STAT5B: variants seen among roughly 807,000 people sequenced by gnomAD.
STAT5B encodes signal transducer and activator of transcription 5B, also known as transcription factor STAT5B.
STAT5B carries 21 observed loss-of-function variants against 107.8 expected under a neutral mutation model. That is an observed-to-expected ratio of 0.19 (90% confidence interval 0.14 to 0.28). STAT5B has a LOEUF of 0.28. Ranked by LOEUF, STAT5B falls within the 10% of genes least tolerant of loss-of-function variation. STAT5B has a pLI of 1.00. For missense variants in STAT5B, 565 were observed against 1,008.2 expected, an observed-to-expected ratio of 0.56 and a Z score of 5.95; for synonymous variants, 325 against 401.7, an observed-to-expected ratio of 0.81 and a Z score of 2.28.
upstream of STAT5B, among the ~76,000 whole-genome samples, chr17:42,278,372 G>A (rs1695905107): frequency 1.3e-5 from 2 of 152,180 alleles, no homozygotes; most frequent in African/African-American, 4.8e-5. Flanking sequence ...TATGCTCTAG[G>A]AATGCAAATG....
upstream of STAT5B, chr17:42,276,412 C>CCGCGGGGGCGCGCGCGCCGCTCACG (rs1257191096): frequency 2.0e-5 from 3 of 147,226 alleles, no homozygotes; most frequent in Non-Finnish European, 4.5e-5. This position sits in a 1 kb window ranked among gnomAD's most constrained non-coding sequence, Gnocchi z 4.8. Flanking sequence ...CCGCCGGGGC[C>CCGCGGGGGCGCGCGCGCCGCTCACG]CGCGGGGGCG....
chr17:42,278,638 A>G (rs915035928), upstream of STAT5B, among the ~76,000 whole-genome samples: 1 of 152,146 alleles, frequency 6.6e-6, no homozygotes, highest in African/African-American at 2.4e-5. Flanking sequence ...CAGCCTTATG[A>G]GTAACTGGGA....
At chr17:42,208,082 T>C (rs1300016007) in intron 15 of STAT5B, among the ~76,000 whole-genome samples, 2 of 152,050 alleles carry the variant, frequency 1.3e-5, no homozygotes, top group Admixed American at 1.3e-4. Context: ...TTAGTAGAGA[T>C]GGAGTTTCCC....
chr17:42,265,377 C>CCTTTTTTTTTTTTTTTTTTTTT (rs1555553898), intron 1 of STAT5B, among the ~76,000 whole-genome samples: 1 of 110,596 alleles, frequency 9.0e-6, no homozygotes, highest in African/African-American at 3.6e-5. Context: ...ATGTACTCTT[C>CCTTTTTTTTTTTTTTTTTTTTT]TTTTTTTTTT....
upstream of STAT5B, among the ~76,000 whole-genome samples, chr17:42,281,670 G>A (rs934861660): frequency 2.0e-5 from 3 of 152,146 alleles, no homozygotes; most frequent in Non-Finnish European, 2.9e-5. Context: ...TCGCCACCTG[G>A]AGAGTCTCAC....
intron 2 of STAT5B, among the ~76,000 whole-genome samples, chr17:42,228,975 T>C (rs879613741): frequency 3.3e-5 from 5 of 152,104 alleles, no homozygotes; most frequent in South Asian, 2.1e-4. Context: ...AGTGATACCA[T>C]AGTCCATCAA....
In STAT5B at chr17:42,270,883, G is replaced by A. The variant is rs565765203; in HGVS notation, c.-11+5365C>T. 19 of 152,300 alleles carry A rather than the reference G, an allele frequency of 1.2e-4. 1 individual carries two copies. The highest frequency in any genetic ancestry group is 6.2e-4 in the South Asian group (3 of 4,820). The allele number at this position is 152,300 out of a possible 1,614,324, so 9.4% of individuals were successfully genotyped here. On this transcript the variant is annotated intron_variant, in intron 1 of 18. Coordinates refer to ENST00000293328, the MANE Select transcript of STAT5B (RefSeq NM_012448.4). ...TAATACCCACTCCTCTGAGAATCAC[G>A]AGTTAACACAAGGCCAGAGCTGAAA...
chr17:42,284,176 C>T, the STAT5B span, among the ~76,000 whole-genome samples: 2 of 152,150 alleles, frequency 1.3e-5, no homozygotes, highest in African/African-American at 4.8e-5. Context: ...TGACCTCAAT[C>T]TGTTCTCCCC....
chr17:42,223,752 TG>T lies in STAT5B; in HGVS notation c.376-197del, dbSNP rs550204698. Among the ~76,000 whole-genome samples the T allele has an allele frequency of 4.6e-5, 7 of 152,306 alleles. No homozygotes were observed. In the East Asian group the frequency reaches 1.4e-3, roughly 29 times the overall value. On this transcript the variant is annotated intron_variant, in intron 4 of 18. Coordinates refer to ENST00000293328, the MANE Select transcript of STAT5B (RefSeq NM_012448.4). ...GAGAAACAGGTGAGCGGACAGATCA[TG>T]GCTCAGATCACAAAGCATGGGAGAA...
At chr17:42,264,982 G>GT (rs1430624555) in intron 1 of STAT5B, among the ~76,000 whole-genome samples, 3 of 123,450 alleles carry the variant, frequency 2.4e-5, no homozygotes, top group Non-Finnish European at 3.4e-5. Flanking sequence ...TTTTTCATGT[G>GT]TTTTTTGGCT....
In STAT5B at chr17:42,276,146, C is replaced by A. The variant is rs1488778725; in HGVS notation, c.-11+102G>T. The A allele has an allele frequency of 1.3e-5, 2 of 149,602 alleles. No individual in the cohort carries two copies. The highest frequency in any genetic ancestry group is 3.0e-5 in the Non-Finnish European group (2 of 67,190). 9.3% of individuals were successfully genotyped at this position (149,602 alleles called of 1,614,324 possible). ...CCGGGAGTGATGGCGGCGGCGCGGC[C>A]CTGACGGGCGGCTGAGCGGCTGGAG... On this transcript the variant is annotated intron_variant, in intron 1 of 18. Coordinates refer to ENST00000293328, the MANE Select transcript of STAT5B (RefSeq NM_012448.4). The surrounding 1 kb of genome is among the most constrained non-coding windows in gnomAD (Gnocchi z 4.8).
chr17:42,205,709 A>G (rs1477728008), intron 16 of STAT5B, among the ~76,000 whole-genome samples: 2 of 152,188 alleles, frequency 1.3e-5, no homozygotes, highest in East Asian at 3.8e-4. Flanking sequence ...CAGGAATTTG[A>G]GACCAGTCTG....
chr17:42,251,009 G>A (rs1413846587), intron 1 of STAT5B, among the ~76,000 whole-genome samples: 1 of 150,302 alleles, frequency 6.7e-6, no homozygotes, highest in African/African-American at 2.4e-5. Flanking sequence ...TATAACACGA[G>A]CCACAAAATG....
intron 16 of STAT5B, among the ~76,000 whole-genome samples, chr17:42,203,751 C>T (rs560227393): frequency 2.0e-5 from 3 of 152,116 alleles, no homozygotes; most frequent in South Asian, 4.2e-4. Flanking sequence ...TTCAGCCTCC[C>T]GAGTAGCTGG....
chr17:42,250,083 G>T (rs992848737), intron 1 of STAT5B, among the ~76,000 whole-genome samples: 4 of 152,152 alleles, frequency 2.6e-5, no homozygotes, highest in South Asian at 2.1e-4. Flanking sequence ...GGAAAATGAT[G>T]ATTTTAAACA....
intron 1 of STAT5B, among the ~76,000 whole-genome samples, chr17:42,247,538 A>G (rs879524616): frequency 4.6e-5 from 7 of 152,216 alleles, no homozygotes; most frequent in Admixed American, 4.6e-4. Flanking sequence ...GGTGATATGA[A>G]ACCCAACTAC....
At chr17:42,227,119 A>G (rs1357904385) in intron 3 of STAT5B, among the ~76,000 whole-genome samples, 1 of 130,262 alleles carries the variant, frequency 7.7e-6, no homozygotes, top group African/African-American at 2.7e-5. Flanking sequence ...TGGGCGACAG[A>G]GCAAGACTCC....
At chr17:42,247,329 T>C (rs968748130) in intron 1 of STAT5B, among the ~76,000 whole-genome samples, 7 of 152,250 alleles carry the variant, frequency 4.6e-5, no homozygotes, top group African/African-American at 1.7e-4. Flanking sequence ...TGCCCCGTTT[T>C]CCAGGTAGCT....
At chr17:42,224,548 C>G (rs1010527227) in intron 4 of STAT5B, among the ~76,000 whole-genome samples, 1 of 151,930 alleles carries the variant, frequency 6.6e-6, no homozygotes, top group Admixed American at 6.6e-5. Context: ...CATCATGTTG[C>G]CCAGGGTGCT....
Sources: gnomAD v4.1 joint callset for allele counts (sites outside exome capture counted in the v4.1 genomes callset) on GRCh38, gnomAD v4.1.1 for gene constraint, Gnocchi (gnomAD v3.1) non-coding constraint, MANE v1.5 for transcripts, NCBI Gene and HGNC (gene_info 2026-07-23, HGNC 2026-07-21) for gene names.